The following DCDC2 variants were observed in gnomAD, a reference collection of about 807,000 sequenced individuals.
The protein encoded by DCDC2 is doublecortin domain-containing protein 2.
Under a neutral mutation model 50.2 loss-of-function variants are expected in DCDC2, and 40 were observed. That is an observed-to-expected ratio of 0.80 (90% CI 0.62 to 1.04). DCDC2 has a LOEUF of 1.04. DCDC2 is among the 50% of genes least tolerant of loss of function. DCDC2 has a pLI of 0.00. For missense variants in DCDC2, 570 were observed against 581.9 expected (o/e 0.98, Z 0.21); for synonymous variants, 234 against 210.6 (o/e 1.11, Z -0.96).
chr6:24,179,547 C>CAAAAA (rs56731018), intron 8 of DCDC2, among the ~76,000 whole-genome samples: 21 of 49,604 alleles, frequency 4.2e-4, no homozygotes, highest in Non-Finnish European at 5.9e-4. Flanking sequence ...GACACCATCT[C>CAAAAA]AAAAAAAAAA....
intron 7 of DCDC2, among the ~76,000 whole-genome samples, chr6:24,219,053 T>C (rs1252451497): frequency 5.3e-5 from 8 of 152,192 alleles, no homozygotes; most frequent in Non-Finnish European, 1.2e-4. Context: ...GGATTTCTTA[T>C]TGAACTATAA....
chr6:24,192,141 G>A (rs758200063), intron 8 of DCDC2, among the ~76,000 whole-genome samples: 9 of 152,146 alleles, frequency 5.9e-5, no homozygotes, highest in Non-Finnish European at 1.0e-4. Context: ...TTAGGGAAAC[G>A]ACTCAAGTAT....
intron 2 of DCDC2, among the ~76,000 whole-genome samples, chr6:24,308,397 G>C (rs140983357): frequency 1.1e-4 from 17 of 152,262 alleles, no homozygotes; most frequent in African/African-American, 4.1e-4. Flanking sequence ...CTCAACTATG[G>C]ATTATACTAT....
chr6:24,292,907 T>C (rs1290941090), intron 4 of DCDC2, among the ~76,000 whole-genome samples: 1 of 152,166 alleles, frequency 6.6e-6, no homozygotes, highest in Non-Finnish European at 1.5e-5. Flanking sequence ...CTGCCAAATG[T>C]CCCCAAGGGG....
chr6:24,357,689 A>G lies in DCDC2; in HGVS notation c.62T>C (p.Val21Ala). The change falls in exon 1 of 10, where the codon GTG becomes GCG. Residue 21 changes from valine to alanine, a missense_variant. Physicochemically the swap from Val to Ala is moderately conservative, Grantham distance 64. Transcript: ENST00000378454. ...GTAGAAGGGGTCCCCGTTGCGGTAC[A>G]CAAGCACGCTCTTCACGACGGGCTG... ...LSQPVVKSVL[V>A]YRNGDPFYAG... The G allele has an allele frequency of 6.2e-7, 1 of 1,613,382 alleles. No homozygotes were observed. Among genetic ancestry groups the G allele is most frequent in the Non-Finnish European group, 8.5e-7 (1 of 1,180,002 alleles).
chr6:24,238,756 T>C (rs1235697712), intron 7 of DCDC2, among the ~76,000 whole-genome samples: 1 of 152,176 alleles, frequency 6.6e-6, no homozygotes, highest in Non-Finnish European at 1.5e-5. Context: ...GATTATCAGA[T>C]GGAAGAGACA....
intron 7 of DCDC2, among the ~76,000 whole-genome samples, chr6:24,241,780 T>G (rs1055442015): frequency 2.0e-5 from 3 of 152,246 alleles, no homozygotes; most frequent in African/African-American, 7.2e-5. Flanking sequence ...TTTCCATATT[T>G]TAATTGTTTA....
chr6:24,308,782 T>G (rs1759520771), intron 2 of DCDC2, among the ~76,000 whole-genome samples: 1 of 152,190 alleles, frequency 6.6e-6, no homozygotes, highest in Non-Finnish European at 1.5e-5. Context: ...ACAGAATATC[T>G]GTAATGAAGA....
chr6:24,238,100 A>AGGGAAGGGGAAG (rs1263191461), intron 7 of DCDC2, among the ~76,000 whole-genome samples: 1 of 45,754 alleles, frequency 2.2e-5, no homozygotes, highest in Non-Finnish European at 4.8e-5. Flanking sequence ...TAAAGAAAGA[A>AGGGAAGGGGAAG]GGGAAGGGGA....
At chr6:24,362,207 TTTTA>T (rs1223285670), upstream of DCDC2, among the ~76,000 whole-genome samples, 6 of 151,080 alleles carry the variant, frequency 4.0e-5, no homozygotes, top group East Asian at 9.7e-4. Flanking sequence ...TACAATTATT[TTTTA>T]TTTAATTGCA....
chr6:24,301,845 A>G lies in DCDC2; in HGVS notation c.427T>C (p.Leu143=), dbSNP rs757872217. The change falls in exon 4 of 10, where the codon TTG becomes CTG. Residue 143 remains leucine (L), a splice_region_variant and synonymous_variant. Coordinates refer to ENST00000378454, the MANE Select transcript of DCDC2 (RefSeq NM_016356.5). Reference sequence around the variant, plus strand: ...TTTATGAGGTCTCCATTTGCAATCAAGCTGGAAAACAGGGGGCAAACCTTC... The same window carrying G: ...TTTATGAGGTCTCCATTTGCAATCAGGCTGGAAAACAGGGGGCAAACCTTC... ...KPLQEPCTIF[L]IANGDLINPA... 1.2e-6 allele frequency: 2 copies of G among 1,614,190 alleles called. No individual in the cohort carries two copies. The highest frequency in any genetic ancestry group is 1.7e-6 in the Non-Finnish European group (2 of 1,180,024).
upstream of DCDC2, among the ~76,000 whole-genome samples, chr6:24,359,937 G>T (rs551731721): frequency 3.1e-4 from 47 of 152,324 alleles, no homozygotes; most frequent in East Asian, 9.1e-3. Context: ...GCGGGCCCAG[G>T]AGGTGCCCTC....
the DCDC2 span, among the ~76,000 whole-genome samples, chr6:24,382,794 C>T: frequency 1.3e-5 from 2 of 152,128 alleles, no homozygotes; most frequent in African/African-American, 2.4e-5. Flanking sequence ...TCCTTTAATA[C>T]CAACAATTGT....
intron 8 of DCDC2, among the ~76,000 whole-genome samples, chr6:24,198,059 A>G (rs1389827038): frequency 6.6e-6 from 1 of 152,210 alleles, no homozygotes; most frequent in East Asian, 1.9e-4. Context: ...ACAGTGTTCT[A>G]CTGGCCTAAG....
At chr6:24,286,086 ACTC>A (rs1408401901) in intron 6 of DCDC2, among the ~76,000 whole-genome samples, 1 of 151,796 alleles carries the variant, frequency 6.6e-6, no homozygotes, top group African/African-American at 2.4e-5. Context: ...TATTCTTCTC[ACTC>A]CTCTTTGACC....
chr6:24,265,749 T>C (rs1357148594), intron 7 of DCDC2, among the ~76,000 whole-genome samples: 1 of 151,578 alleles, frequency 6.6e-6, no homozygotes, highest in Non-Finnish European at 1.5e-5. Flanking sequence ...GTATGGGATA[T>C]AGCGAAGGCA....
At chr6:24,210,970 G>C (rs764251467) in intron 7 of DCDC2, among the ~76,000 whole-genome samples, 7 of 152,152 alleles carry the variant, frequency 4.6e-5, no homozygotes, top group Non-Finnish European at 1.0e-4. Flanking sequence ...TGCCTAAAAA[G>C]TTCTTTCCCC....
intron 7 of DCDC2, among the ~76,000 whole-genome samples, chr6:24,248,030 T>G (rs1384751133): frequency 6.6e-6 from 1 of 152,126 alleles, no homozygotes; most frequent in South Asian, 2.1e-4. Flanking sequence ...GAGCCAAGAT[T>G]GCACCATTGC....
At chr6:24,194,276 AAAT>A (rs1305801032) in intron 8 of DCDC2, among the ~76,000 whole-genome samples, 5 of 152,164 alleles carry the variant, frequency 3.3e-5, no homozygotes, top group African/African-American at 1.2e-4. Context: ...AATTTTAAAT[AAAT>A]AAGAAAATAG....
Sources: gnomAD v4.1 joint callset for allele counts (sites outside exome capture counted in the v4.1 genomes callset) on GRCh38, gnomAD v4.1.1 for gene constraint, MANE v1.5 for transcripts, NCBI Gene and HGNC (gene_info 2026-07-23, HGNC 2026-07-21) for gene names.